The following ANKS1A variants were observed in gnomAD, a reference collection of about 807,000 sequenced individuals.
ANKS1A encodes ankyrin repeat and sterile alpha motif domain containing 1A, also known as ankyrin repeat and SAM domain-containing protein 1A.
Under a neutral mutation model 120.3 loss-of-function variants are expected in ANKS1A, and 55 were observed. The observed-to-expected ratio is 0.46, with a 90% confidence interval of 0.37 to 0.57. The LOEUF is 0.57. Among genes scored for constraint, ANKS1A ranks in the 20% least tolerant of loss-of-function variants. ANKS1A has a pLI of 0.00. For missense variants in ANKS1A, 1,123 were observed against 1,480.3 expected, an observed-to-expected ratio of 0.76 and a Z score of 3.96; for synonymous variants, 590 against 604.7, an observed-to-expected ratio of 0.98 and a Z score of 0.36.
intron 1 of ANKS1A, among the ~76,000 whole-genome samples, chr6:34,962,950 C>G (rs1770717881): frequency 1.3e-5 from 2 of 151,322 alleles, no homozygotes; most frequent in Non-Finnish European, 2.9e-5. Flanking sequence ...CAACCTCTGC[C>G]TCCCAGGTTC....
Position 34,978,686 on chromosome 6 carries a change from T to A in ANKS1A, c.436-3004T>A, listed in dbSNP as rs942611079. 4.0e-5 allele frequency among the ~76,000 whole-genome samples: 6 copies of A among 149,770 alleles called. No individual in the cohort carries two copies. The East Asian group carries it at 1.0e-3, about 26-fold the overall frequency. On this transcript the variant is annotated intron_variant, in intron 3 of 23. Transcript: ENST00000360359. ...TAGGCGTGGTGGCACATATCTGTAA[T>A]CCCAGCTACTAGGGAGGCTGAGGCA...
rs187914482 is a variant in ANKS1A, at chr6:35,030,536, C to T, written c.2010+12477C>T. 4.3e-4 allele frequency among the ~76,000 whole-genome samples: 66 copies of T among 152,240 alleles called. No individual in the cohort carries two copies. In the South Asian group the frequency reaches 0.013, roughly 30 times the overall value. On this transcript the variant is annotated intron_variant, in intron 11 of 23. Coordinates refer to ENST00000360359, the MANE Select transcript of ANKS1A (RefSeq NM_015245.3). ...GTCTAAAAGTGACCTTCTTTACTAC[C>T]GTACTTGACTGGTTTAAAAATAATA...
chr6:35,095,961 C>T (rs1778459579), downstream of ANKS1A, among the ~76,000 whole-genome samples: 1 of 152,228 alleles, frequency 6.6e-6, no homozygotes, highest in African/African-American at 2.4e-5. Context: ...GGTTTACTAT[C>T]ACACATGTAT....
At chr6:34,936,042 A>G (rs988416734) in intron 1 of ANKS1A, among the ~76,000 whole-genome samples, 5 of 142,296 alleles carry the variant, frequency 3.5e-5, no homozygotes, top group African/African-American at 7.9e-5. Context: ...AGCCTGGGCG[A>G]CAGAGCGAGA....
Position 35,089,419 on chromosome 6 carries a change from C to T in ANKS1A, c.*810C>T. On this transcript the variant is annotated 3_prime_UTR_variant, in exon 24 of 24. Coordinates refer to ENST00000360359, the MANE Select transcript of ANKS1A (RefSeq NM_015245.3). ...TGATCGGAGCACTGCCCTGGGCTGG[C>T]CGGCGCCGTACTGCCTGCGTTGTGT... The T allele has an allele frequency of 2.0e-6, 2 of 986,762 alleles. No homozygotes were observed. The highest frequency in any genetic ancestry group is 2.4e-6 in the Non-Finnish European group (2 of 830,646). 61.1% of individuals were successfully genotyped at this position (986,762 alleles called of 1,614,324 possible).
chr6:35,087,085 C>A, intron 23 of ANKS1A, 36 bp downstream of exon 23: 2 of 1,579,706 alleles, frequency 1.3e-6, no homozygotes, highest in Non-Finnish European at 1.7e-6. Context: ...AACCCACTCC[C>A]TGTCTCCACT....
chr6:35,076,677 A>G (rs376939290), intron 13 of ANKS1A, among the ~76,000 whole-genome samples: 1 of 152,076 alleles, frequency 6.6e-6, no homozygotes, highest in Non-Finnish European at 1.5e-5. Context: ...CGCCCAGGCT[A>G]GAGTGCAGTG....
intron 7 of ANKS1A, among the ~76,000 whole-genome samples, chr6:34,984,038 C>T (rs568526433): frequency 1.4e-4 from 22 of 152,180 alleles, no homozygotes; most frequent in Non-Finnish European, 2.5e-4. Flanking sequence ...TTGAGATTTG[C>T]CTGCCTCAGC....
intron 9 of ANKS1A, among the ~76,000 whole-genome samples, chr6:34,991,803 T>TAC (rs1349530270): frequency 7.0e-6 from 1 of 143,636 alleles, no homozygotes; most frequent in Admixed American, 7.2e-5. Context: ...TACATATATA[T>TAC]ACACACACAT....
At chr6:35,041,546 A>C (rs1025745900) in intron 11 of ANKS1A, among the ~76,000 whole-genome samples, 3 of 152,204 alleles carry the variant, frequency 2.0e-5, no homozygotes, top group Non-Finnish European at 2.9e-5. Context: ...AACAAACCCA[A>C]GGGTGTAAGT....
intron 1 of ANKS1A, among the ~76,000 whole-genome samples, chr6:34,918,048 T>C (rs1370518476): frequency 6.6e-6 from 1 of 152,192 alleles, no homozygotes; most frequent in East Asian, 1.9e-4. Context: ...TGCCGTGTTC[T>C]ACCCTCTCTG....
At chr6:34,996,328 A>C (rs192863338) in intron 10 of ANKS1A, among the ~76,000 whole-genome samples, 1 of 152,216 alleles carries the variant, frequency 6.6e-6, no homozygotes, top group African/African-American at 2.4e-5. Context: ...TATATTTTAC[A>C]TACAAATTCT....
rs1009165912 is a variant in ANKS1A, at chr6:35,058,062, T to C, written c.2078-2085T>C. On this transcript the variant is annotated intron_variant, in intron 12 of 23. Coordinates refer to ENST00000360359, the MANE Select transcript of ANKS1A (RefSeq NM_015245.3). This position sits in a 1 kb window ranked among gnomAD's most constrained non-coding sequence, Gnocchi z 5.1. ...TGTCATTTCGCTCTGATGCTAGTGC[T>C]GCTGTCTCCTTCTCCCTCAGCAGCC... Among the ~76,000 whole-genome samples, 3 of 152,262 alleles carry C rather than the reference T, an allele frequency of 2.0e-5. No individual in the cohort carries two copies. Among genetic ancestry groups the C allele is most frequent in the Admixed American group, 6.5e-5 (1 of 15,290 alleles).
intron 10 of ANKS1A, among the ~76,000 whole-genome samples, chr6:35,000,263 A>C (rs1195253739): frequency 1.3e-5 from 2 of 152,028 alleles, no homozygotes; most frequent in Non-Finnish European, 2.9e-5. Context: ...AAAAAAAAAA[A>C]AGCCATCTAT....
At chr6:34,911,649 A>G (rs1407147898) in intron 1 of ANKS1A, among the ~76,000 whole-genome samples, 1 of 152,128 alleles carries the variant, frequency 6.6e-6, no homozygotes, top group Non-Finnish European at 1.5e-5. Context: ...TGGAGTCCTC[A>G]CCCTGAACGG....
At position 35,044,840 on chromosome 6, in the gene ANKS1A, A is replaced by G. The variant is rs1194017309; in HGVS notation, c.2011-9259A>G. On this transcript the variant is annotated intron_variant, in intron 11 of 23. Coordinates refer to ENST00000360359, the MANE Select transcript of ANKS1A (RefSeq NM_015245.3). This position sits in a 1 kb window ranked among gnomAD's most constrained non-coding sequence, Gnocchi z 4.4. ...AACCAGATAAATGTGAATGGCAAGT[A>G]CAAGCCCTGTCTAATCGCTGTAAAC... 6.6e-6 allele frequency among the ~76,000 whole-genome samples: 1 copy of G among 152,238 alleles called. No individual in the cohort carries two copies. Among genetic ancestry groups the G allele is most frequent in the Non-Finnish European group, 1.5e-5 (1 of 68,044 alleles).
At chr6:34,916,318 C>T (rs577547315) in intron 1 of ANKS1A, among the ~76,000 whole-genome samples, 119 of 152,216 alleles carry the variant, frequency 7.8e-4, no homozygotes, top group Middle Eastern at 3.4e-3. Context: ...CTTGTTAACA[C>T]GCTGAGGAAA....
At chr6:34,938,290 C>T (rs1020097495) in intron 1 of ANKS1A, among the ~76,000 whole-genome samples, 5 of 152,150 alleles carry the variant, frequency 3.3e-5, no homozygotes, top group African/African-American at 1.2e-4. Flanking sequence ...CTTATTTAGG[C>T]TTTTTTGGAA....
chr6:35,053,386 G>T (rs889513396), intron 11 of ANKS1A, among the ~76,000 whole-genome samples: 1 of 152,228 alleles, frequency 6.6e-6, no homozygotes. Context: ...CAGCGCTGGA[G>T]CCATTGGATG....
Sources: allele counts gnomAD v4.1 joint callset (sites outside exome capture counted in the v4.1 genomes callset), GRCh38; gene constraint gnomAD v4.1.1; non-coding constraint Gnocchi (gnomAD v3.1); transcripts MANE v1.5; gene names NCBI Gene and HGNC (gene_info 2026-07-23, HGNC 2026-07-21).